B4GALT1: variants seen among roughly 807,000 people sequenced by gnomAD.
The protein encoded by B4GALT1 is beta-1,4-galactosyltransferase 1, also known as N-acetyllactosamine synthase.
In B4GALT1, 16 loss-of-function variants were observed where a neutral mutation model predicts 34.9. That is an observed-to-expected ratio of 0.46 (90% CI 0.31 to 0.70). B4GALT1 has a LOEUF of 0.70. Ranked by LOEUF, B4GALT1 falls within the 30% of genes least tolerant of loss-of-function variation. B4GALT1 has a pLI of 0.05. For missense variants in B4GALT1, 445 were observed against 530.5 expected, an observed-to-expected ratio of 0.84 and a Z score of 1.58; for synonymous variants, 221 against 218.1, an observed-to-expected ratio of 1.01 and a Z score of -0.12.
At chr9:33,106,840 G>C (rs1215978074), downstream of B4GALT1, among the ~76,000 whole-genome samples, 1 of 152,142 alleles carries the variant, frequency 6.6e-6, no homozygotes, top group African/African-American at 2.4e-5. Flanking sequence ...ACACAGAGAG[G>C]GGAACCAACT....
chr9:33,143,005 C>A (rs183536696), intron 1 of B4GALT1, among the ~76,000 whole-genome samples: 1 of 152,100 alleles, frequency 6.6e-6, no homozygotes, highest in Non-Finnish European at 1.5e-5. Flanking sequence ...ATTAGCTGGG[C>A]GTGGTGGCAC....
intron 1 of B4GALT1, among the ~76,000 whole-genome samples, chr9:33,136,383 A>T (rs1002462558): frequency 5.3e-5 from 8 of 152,216 alleles, no homozygotes; most frequent in African/African-American, 1.9e-4. Flanking sequence ...CAGGCAACAC[A>T]GGGAATCAAG....
intron 1 of B4GALT1, among the ~76,000 whole-genome samples, chr9:33,140,031 T>C (rs1840326394): frequency 6.6e-6 from 1 of 152,234 alleles, no homozygotes; most frequent in South Asian, 2.1e-4. Flanking sequence ...AGTCGCTCAA[T>C]AACTTCAATG....
At chr9:33,156,624 C>A (rs936794615) in intron 1 of B4GALT1, among the ~76,000 whole-genome samples, 1 of 152,152 alleles carries the variant, frequency 6.6e-6, no homozygotes, top group African/African-American at 2.4e-5. Context: ...TTTTATCCAA[C>A]ATAATTTAAA....
At chr9:33,184,606 A>G in the B4GALT1 span, among the ~76,000 whole-genome samples, 9 of 152,324 alleles carry the variant, frequency 5.9e-5, no homozygotes, top group South Asian at 1.9e-3. Context: ...AATGTGGATC[A>G]CCTGGGGAGC....
At chr9:33,146,478 T>A (rs765418053) in intron 1 of B4GALT1, among the ~76,000 whole-genome samples, 3 of 152,176 alleles carry the variant, frequency 2.0e-5, no homozygotes, top group Non-Finnish European at 4.4e-5. Flanking sequence ...CTGTGTCCTC[T>A]GGGCTCTCCT....
chr9:33,154,039 G>C (rs1840562370), intron 1 of B4GALT1, among the ~76,000 whole-genome samples: 1 of 104,550 alleles, frequency 9.6e-6, no homozygotes, highest in Non-Finnish European at 2.2e-5. Context: ...GGAAGGGAGG[G>C]AGGGAGGGAG....
chr9:33,120,277 A>G (rs909571812), intron 3 of B4GALT1, 142 bp downstream of exon 3: 21 of 906,370 alleles, frequency 2.3e-5, no homozygotes, highest in Non-Finnish European at 3.4e-5. Context: ...TTCCATCTCA[A>G]CTAATACAAA....
intron 1 of B4GALT1, among the ~76,000 whole-genome samples, chr9:33,141,401 C>T (rs186300658): frequency 1.3e-5 from 2 of 152,212 alleles, no homozygotes; most frequent in African/African-American, 4.8e-5. Flanking sequence ...GCTGTAATCC[C>T]AGCTACTTAG....
intron 3 of B4GALT1, among the ~76,000 whole-genome samples, chr9:33,118,626 C>T (rs752204503): frequency 3.3e-5 from 5 of 151,608 alleles, no homozygotes; most frequent in South Asian, 2.1e-4. Context: ...GCCATGATCA[C>T]GCCACTGCAC....
intron 1 of B4GALT1, among the ~76,000 whole-genome samples, chr9:33,154,469 T>C (rs553330645): frequency 1.5e-4 from 23 of 152,316 alleles, no homozygotes; most frequent in African/African-American, 5.3e-4. Context: ...AACATTGTAC[T>C]GGAGGTTCTA....
chr9:33,115,383 C>T (rs1484781783), intron 4 of B4GALT1, among the ~76,000 whole-genome samples: 2 of 152,172 alleles, frequency 1.3e-5, no homozygotes, highest in Non-Finnish European at 2.9e-5. Flanking sequence ...GAGGACTGAG[C>T]AGAATGTTCT....
chr9:33,129,879 T>G (rs1840167955), intron 2 of B4GALT1, among the ~76,000 whole-genome samples: 1 of 149,684 alleles, frequency 6.7e-6, no homozygotes, highest in Non-Finnish European at 1.5e-5. Flanking sequence ...AGATGGGGAG[T>G]CCAGTGAAGT....
chr9:33,153,789 T>A (rs891602391), intron 1 of B4GALT1, among the ~76,000 whole-genome samples: 9 of 152,022 alleles, frequency 5.9e-5, no homozygotes, highest in Non-Finnish European at 1.3e-4. Flanking sequence ...AAAGAAGAAT[T>A]AATAAAAACC....
chr9:33,184,891 G>T, the B4GALT1 span, among the ~76,000 whole-genome samples: 1 of 152,112 alleles, frequency 6.6e-6, no homozygotes, highest in Non-Finnish European at 1.5e-5. Context: ...AACCACCAGG[G>T]AGCCACAAAA....
upstream of B4GALT1, among the ~76,000 whole-genome samples, chr9:33,169,223 A>G (rs924952955): frequency 6.6e-6 from 1 of 152,202 alleles, no homozygotes. Flanking sequence ...CATTTTGTTC[A>G]GAACCAAATC....
At chr9:33,155,641 AC>A (rs2118271308) in intron 1 of B4GALT1, among the ~76,000 whole-genome samples, 1 of 152,262 alleles carries the variant, frequency 6.6e-6, no homozygotes, top group Non-Finnish European at 1.5e-5. Context: ...GGCCTGGGGT[AC>A]TCGCTTTGGG....
intron 3 of B4GALT1, among the ~76,000 whole-genome samples, chr9:33,119,625 A>T (rs928850630): frequency 5.3e-5 from 8 of 152,198 alleles, no homozygotes; most frequent in African/African-American, 1.9e-4. Flanking sequence ...CTGAGGCTGC[A>T]GGATGGATTG....
At chr9:33,126,620 AGTTAACCATTGTTAACATT>A (rs1564040624) in intron 2 of B4GALT1, among the ~76,000 whole-genome samples, 3 of 152,222 alleles carry the variant, frequency 2.0e-5, no homozygotes, top group Admixed American at 2.0e-4. Flanking sequence ...TGTTAACCAT[AGTTAACCATTGTTAACATT>A]GTTAACTATT....
Sources: gnomAD v4.1 joint callset for allele counts (sites outside exome capture counted in the v4.1 genomes callset) on GRCh38, gnomAD v4.1.1 for gene constraint, MANE v1.5 for transcripts, NCBI Gene and HGNC (gene_info 2026-07-23, HGNC 2026-07-21) for gene names.